MEF2C: variants seen among roughly 807,000 people sequenced by gnomAD.
MEF2C encodes the protein myocyte-specific enhancer factor 2C.
MEF2C carries 6 observed loss-of-function variants against 50.5 expected under a neutral mutation model. That is an observed-to-expected ratio of 0.12 (90% CI 0.07 to 0.23). MEF2C has a LOEUF of 0.23. Ranked by LOEUF, MEF2C falls within the 10% of genes least tolerant of loss-of-function variation. The pLI is 1.00. For missense variants in MEF2C, 276 were observed against 605.0 expected (o/e 0.46, Z 5.70); for synonymous variants, 183 against 228.0 (o/e 0.80, Z 1.78).
intron 1 of MEF2C, among the ~76,000 whole-genome samples, chr5:88,862,604 A>G (rs1488985779): frequency 6.6e-6 from 1 of 151,816 alleles, no homozygotes. Context: ...TTTGTAAGAG[A>G]TGTAAGTTGA....
intron 3 of MEF2C, among the ~76,000 whole-genome samples, chr5:88,763,578 AAT>A (rs1561889313): frequency 6.6e-6 from 1 of 152,146 alleles, no homozygotes; most frequent in African/African-American, 2.4e-5. Flanking sequence ...TATAGAGAAA[AAT>A]ATGTCAGATC....
intron 1 of MEF2C, among the ~76,000 whole-genome samples, chr5:88,873,509 A>G (rs1422544117): frequency 5.9e-5 from 9 of 152,058 alleles, no homozygotes; most frequent in Non-Finnish European, 8.8e-5. Flanking sequence ...GAAGTCAAGA[A>G]TTCTCTGATT....
At chr5:88,783,185 G>A (rs759142101) in intron 3 of MEF2C, among the ~76,000 whole-genome samples, 12 of 152,144 alleles carry the variant, frequency 7.9e-5, no homozygotes, top group Non-Finnish European at 1.5e-4. Context: ...GAGCGGCACT[G>A]CCATCATGGT....
intron 1 of MEF2C, among the ~76,000 whole-genome samples, chr5:88,849,745 C>A (rs1442506904): frequency 6.6e-6 from 1 of 151,898 alleles, no homozygotes; most frequent in Non-Finnish European, 1.5e-5. Context: ...TGAATTGAAA[C>A]CATTAACATT....
intron 1 of MEF2C, among the ~76,000 whole-genome samples, chr5:88,858,522 G>A (rs534590371): frequency 6.6e-6 from 1 of 152,316 alleles, no homozygotes; most frequent in South Asian, 2.1e-4. Flanking sequence ...CCCAGTAAGA[G>A]TTAACTAGAA....
At chr5:88,786,907 CACTGTACTTTG>C (rs1791206709) in intron 3 of MEF2C, among the ~76,000 whole-genome samples, 1 of 152,186 alleles carries the variant, frequency 6.6e-6, no homozygotes, top group Non-Finnish European at 1.5e-5. Context: ...TCTGTTAGCC[CACTGTACTTTG>C]TCTATATCTT....
intron 1 of MEF2C, among the ~76,000 whole-genome samples, chr5:88,833,018 G>C (rs1813666652): frequency 6.6e-6 from 1 of 152,036 alleles, no homozygotes; most frequent in African/African-American, 2.4e-5. Flanking sequence ...TTGTTCTTAT[G>C]ACTCAACCAA....
At chr5:88,882,439 G>A (rs1038669459) in intron 1 of MEF2C, among the ~76,000 whole-genome samples, 3 of 152,166 alleles carry the variant, frequency 2.0e-5, no homozygotes, top group African/African-American at 7.2e-5. Context: ...ATGCACAAAG[G>A]TATACTCTGA....
chr5:88,893,403 C>T (rs1294586503), intron 1 of MEF2C, among the ~76,000 whole-genome samples: 1 of 151,374 alleles, frequency 6.6e-6, no homozygotes, highest in Non-Finnish European at 1.5e-5. Flanking sequence ...CTCTGCCTCC[C>T]ATAGAGATGG....
intron 3 of MEF2C, among the ~76,000 whole-genome samples, chr5:88,774,514 G>A (rs1783904955): frequency 6.6e-6 from 1 of 151,942 alleles, no homozygotes; most frequent in Admixed American, 6.6e-5. Flanking sequence ...AGTAGAGACG[G>A]GGTTTCACCG....
At chr5:88,775,831 G>A (rs1049425818) in intron 3 of MEF2C, 2 of 983,432 alleles carry the variant, frequency 2.0e-6, no homozygotes, top group Non-Finnish European at 2.4e-6. Flanking sequence ...AGGGTATAGA[G>A]AGTATTTTTG....
At chr5:88,837,002 C>CCA (rs1815384043) in intron 1 of MEF2C, among the ~76,000 whole-genome samples, 2 of 87,014 alleles carry the variant, frequency 2.3e-5, no homozygotes, top group Admixed American at 2.5e-4. Context: ...AGCTGTTTCT[C>CCA]AAAAAAAAAA....
intron 3 of MEF2C, among the ~76,000 whole-genome samples, chr5:88,791,080 A>G (rs759774994): frequency 1.3e-5 from 2 of 152,160 alleles, no homozygotes; most frequent in Non-Finnish European, 2.9e-5. Flanking sequence ...AATATTCTAC[A>G]CTTTGATTCT....
intron 6 of MEF2C, chr5:88,746,476 A>C: frequency 1.0e-6 from 1 of 969,406 alleles, no homozygotes; most frequent in Non-Finnish European, 1.2e-6. Context: ...AGATGACTTG[A>C]TTTAGAAAAA....
rs1221463784 is a variant in MEF2C, at chr5:88,733,605, T to A, written c.638-1704A>T. On this transcript the variant is annotated intron_variant, in intron 6 of 10. Transcript: ENST00000504921. ...ATTTCAGGAGATATTTATGGGAACA[T>A]CTTTAGAAGCAAAATATATTTGAGG... 3 of 985,232 alleles carry A rather than the reference T, an allele frequency of 3.0e-6. No individual in the cohort carries two copies. The African/African-American group carries it at 5.2e-5, about 17-fold the overall frequency. 61.0% of individuals were successfully genotyped at this position (985,232 alleles called of 1,614,324 possible). A position where few individuals can be genotyped will look rare whatever the true frequency, so the allele number is the denominator to read the frequency against.
intron 1 of MEF2C, among the ~76,000 whole-genome samples, chr5:88,832,026 G>C (rs935340653): frequency 7.2e-5 from 11 of 152,150 alleles, no homozygotes; most frequent in Middle Eastern, 3.4e-3. Flanking sequence ...TTTTCTTAAA[G>C]CCAGTTAAGC....
rs1288397168 is a variant in MEF2C at position 88,720,758 on chromosome 5, C to G, written c.*1846G>C. The G allele has an allele frequency of 6.6e-6, 1 of 151,426 alleles. No homozygotes were observed. Among genetic ancestry groups the G allele is most frequent in the Non-Finnish European group, 1.5e-5 (1 of 67,790 alleles). The allele number at this position is 151,426 out of a possible 1,614,324, so 9.4% of individuals were successfully genotyped here. A position where few individuals can be genotyped will look rare whatever the true frequency, so the allele number is the denominator to read the frequency against. ...CTTATTAAAGGGTCTGAAAATTAAT[C>G]CCTTATAGACGAATATTAGACAAGA... On this transcript the variant is annotated 3_prime_UTR_variant, in exon 11 of 11. Coordinates refer to ENST00000504921, the MANE Select transcript of MEF2C (RefSeq NM_002397.5).
At chr5:88,802,583 A>G (rs1798829910) in intron 3 of MEF2C, among the ~76,000 whole-genome samples, 1 of 152,112 alleles carries the variant, frequency 6.6e-6, no homozygotes, top group African/African-American at 2.4e-5. Context: ...GGTAGCTGGG[A>G]CCACACATGT....
chr5:88,730,971 T>C (rs1761241214), intron 7 of MEF2C, among the ~76,000 whole-genome samples: 1 of 152,206 alleles, frequency 6.6e-6, no homozygotes, highest in African/African-American at 2.4e-5. Context: ...CTCTTTGTTG[T>C]TGAATTTGGT....
Sources: gnomAD v4.1 joint callset for allele counts (sites outside exome capture counted in the v4.1 genomes callset) on GRCh38, gnomAD v4.1.1 for gene constraint, MANE v1.5 for transcripts, NCBI Gene and HGNC (gene_info 2026-07-23, HGNC 2026-07-21) for gene names.